The following BROX variants were observed in gnomAD, a reference collection of about 807,000 sequenced individuals.
BROX encodes BRO1 domain and CAAX motif containing.
In BROX, 53 loss-of-function variants were observed where a neutral mutation model predicts 61.0. The ratio of observed to expected loss-of-function variants is 0.87; its 90% CI spans 0.70 to 1.09. The LOEUF (loss-of-function observed/expected upper bound fraction) is 1.09, where lower values mean the gene tolerates loss of function less well. Ranked by LOEUF, BROX falls within the 50% of genes least tolerant of loss-of-function variation. The pLI is 0.00. For synonymous variants in BROX, 152 were observed against 160.2 expected (o/e 0.95, Z 0.38); for missense variants, 489 against 472.0 (o/e 1.04, Z -0.33).
At chr1:222,713,165 C>T in intron 1 of BROX, 1 of 980,840 alleles carries the variant, frequency 1.0e-6, no homozygotes, top group Non-Finnish European at 1.2e-6. Flanking sequence ...TCCCCTTGCC[C>T]CGCATCTCCA....
intron 2 of BROX, among the ~76,000 whole-genome samples, chr1:222,718,261 A>C (rs1656787833): frequency 6.6e-6 from 1 of 152,190 alleles, no homozygotes; most frequent in Non-Finnish European, 1.5e-5. Context: ...AATTTCAAGA[A>C]GGAAAAGGTG....
chr1:222,712,566 T>C lies in BROX; in HGVS notation c.-393T>C. On this transcript the variant is annotated 5_prime_UTR_variant, in exon 1 of 13. Coordinates refer to ENST00000340934, the MANE Select transcript of BROX (RefSeq NM_144695.4). ...CCGGGTTAGGTTGAGGCCGCCCCAC[T>C]GCGCCGAGGGCCGCCATCGCTATTG... is the stretch of plus-strand genomic sequence containing the variant. 7.3e-7 allele frequency: 1 copy of C among 1,376,294 alleles called. No individual in the cohort carries two copies. The highest frequency in any genetic ancestry group is 3.0e-5 in the East Asian group (1 of 33,452). 85.3% of individuals were successfully genotyped at this position (1,376,294 alleles called of 1,614,324 possible).
chr1:222,729,978 A>C (rs375638890), intron 10 of BROX, 49 bp from the exon 11 acceptor site: 6 of 1,545,394 alleles, frequency 3.9e-6, no homozygotes, highest in African/African-American at 1.4e-5. Flanking sequence ...AGGGATAAAT[A>C]GGCAGTGTTA....
intron 5 of BROX, among the ~76,000 whole-genome samples, chr1:222,723,465 C>T (rs918839284): frequency 6.6e-6 from 1 of 151,956 alleles, no homozygotes; most frequent in African/African-American, 2.4e-5. Flanking sequence ...TAGTTAGGGT[C>T]TCTTTTTTTT....
In BROX at chr1:222,733,857, A is replaced by C. The variant is rs966185878; in HGVS notation, c.*1143A>C. ...TGAAGTCAAATATTGCATGATGTAA[A>C]GAAAAAACTTTAAACTTAAATGAGT... On this transcript the variant is annotated 3_prime_UTR_variant, in exon 13 of 13. Transcript: ENST00000340934. The C allele has an allele frequency of 2.0e-5, 3 of 152,260 alleles. No individual in the cohort carries two copies. Among genetic ancestry groups the C allele is most frequent in the Admixed American group, 1.3e-4 (2 of 15,290 alleles). The allele number at this position is 152,260 out of a possible 1,614,324, so 9.4% of individuals were successfully genotyped here.
intron 7 of BROX, among the ~76,000 whole-genome samples, chr1:222,726,732 G>A (rs1275329226): frequency 2.0e-5 from 3 of 147,720 alleles, no homozygotes; most frequent in Non-Finnish European, 4.5e-5. Flanking sequence ...AAAAAAAAAA[G>A]AAATTAGCCA....
At position 222,722,401 on chromosome 1, in the gene BROX, T is replaced by A. The variant is rs769294715; in HGVS notation, c.306-18T>A. On this transcript the variant is annotated intron_variant, in intron 4 of 12. Transcript: ENST00000340934. ...CTGGATAATTGACAGAACTTAATGA[T>A]CATGTTTATAATTCCAGTGCCCAGC... The A allele has an allele frequency of 2.5e-6, 4 of 1,591,686 alleles. No homozygotes were observed. The highest frequency in any genetic ancestry group is 3.3e-5 in the Admixed American group (2 of 59,888).
At chr1:222,732,598 G>A (rs772076873) in intron 12 of BROX, 30 bp from the exon 13 acceptor site, 2 of 1,483,820 alleles carry the variant, frequency 1.3e-6, no homozygotes, top group Middle Eastern at 1.8e-4. Flanking sequence ...CTTAGTTTAT[G>A]TACTTAAACT....
Position 222,733,710 on chromosome 1 carries a change from C to T in BROX, c.*996C>T, listed in dbSNP as rs1248230101. 6.6e-6 allele frequency: 1 copy of T among 152,182 alleles called. No individual in the cohort carries two copies. Among genetic ancestry groups the T allele is most frequent in the Non-Finnish European group, 1.5e-5 (1 of 68,040 alleles). 9.4% of individuals were successfully genotyped at this position (152,182 alleles called of 1,614,324 possible). A position where few individuals can be genotyped will look rare whatever the true frequency, so the allele number is the denominator to read the frequency against. On this transcript the variant is annotated 3_prime_UTR_variant, in exon 13 of 13. Coordinates refer to ENST00000340934, the MANE Select transcript of BROX (RefSeq NM_144695.4). ...AGTACCCCTGTGCTTCATTCAGTAT[C>T]AGTAACCCTGCAATGATTTTTACAA...
chr1:222,721,417 T>C (rs1657093849), intron 4 of BROX, among the ~76,000 whole-genome samples: 1 of 151,904 alleles, frequency 6.6e-6, no homozygotes. Context: ...TATCTCCATT[T>C]ATCTTAAGAC....
intron 8 of BROX, among the ~76,000 whole-genome samples, chr1:222,728,093 A>G (rs922307306): frequency 8.5e-5 from 13 of 152,206 alleles, no homozygotes; most frequent in African/African-American, 3.1e-4. Context: ...ATGTATCTAC[A>G]TTAAAAGCCT....
At chr1:222,714,769 C>G (rs1314942458) in intron 1 of BROX, among the ~76,000 whole-genome samples, 1 of 151,290 alleles carries the variant, frequency 6.6e-6, no homozygotes, top group Admixed American at 6.6e-5. Flanking sequence ...TTGTAGAGAC[C>G]GGGTCTCACC....
At chr1:222,722,309 A>G (rs1016080600) in intron 4 of BROX, 110 bp from the exon 5 acceptor site, 3 of 836,848 alleles carry the variant, frequency 3.6e-6, no homozygotes, top group East Asian at 2.6e-5. Flanking sequence ...TTCCTCATAC[A>G]TACCAGTTAG....
At chr1:222,719,152 A>G (rs1656870068) in intron 3 of BROX, 111 bp from the exon 4 acceptor site, 12 of 1,261,336 alleles carry the variant, frequency 9.5e-6, no homozygotes, top group Non-Finnish European at 1.4e-5. Context: ...GGAAAAGAGC[A>G]AGAAGTTTCA....
At chr1:222,713,247 G>A (rs1358903901) in intron 1 of BROX, 1 of 986,262 alleles carries the variant, frequency 1.0e-6, no homozygotes, top group Non-Finnish European at 1.2e-6. Context: ...ACCTCTCCCG[G>A]GTTGACAGTA....
intron 4 of BROX, among the ~76,000 whole-genome samples, chr1:222,721,141 CTG>C (rs1258788673): frequency 1.3e-5 from 2 of 152,094 alleles, no homozygotes; most frequent in Non-Finnish European, 2.9e-5. Context: ...ATTAGCCAAA[CTG>C]TTATATTATT....
At chr1:222,728,218 G>C (rs1404407020) in intron 8 of BROX, among the ~76,000 whole-genome samples, 1 of 152,134 alleles carries the variant, frequency 6.6e-6, no homozygotes, top group Non-Finnish European at 1.5e-5. Flanking sequence ...AATTCTTAAA[G>C]TTTATGAAGG....
Position 222,712,876 on chromosome 1 carries a change from C to A in BROX, c.-83C>A. 1 of 1,265,270 alleles carries A rather than the reference C, an allele frequency of 7.9e-7. No homozygotes were observed. The highest frequency in any genetic ancestry group is 1.5e-5 in the African/African-American group (1 of 65,038). The allele number at this position is 1,265,270 out of a possible 1,614,324, so 78.4% of individuals were successfully genotyped here. ...GTTCTCCGACTCCCTCTTTTTCTCG[C>A]TTGTGGACTCCGATATATTGCCCTT... On this transcript the variant is annotated 5_prime_UTR_variant, in exon 1 of 13. Coordinates refer to ENST00000340934, the MANE Select transcript of BROX (RefSeq NM_144695.4).
Position 222,730,109 on chromosome 1 carries a change from G to A in BROX, c.921G>A (p.Leu307=), listed in dbSNP as rs772555916. Residue 307 remains leucine, a synonymous_variant, in exon 11 of 13, where the codon CTG becomes CTA. Transcript: ENST00000340934. ...CAACAGTCAAACCTTCAGGACATCT[G>A]TTCTTTAGGAAACTTGGAAACCTTG... ...PGPTVKPSGH[L]FFRKLGNLVK... The A allele has an allele frequency of 6.2e-7, 1 of 1,613,184 alleles. No individual in the cohort carries two copies. The highest frequency in any genetic ancestry group is 8.5e-7 in the Non-Finnish European group (1 of 1,179,464).
Sources: allele counts gnomAD v4.1 joint callset (sites outside exome capture counted in the v4.1 genomes callset), GRCh38; gene constraint gnomAD v4.1.1; transcripts MANE v1.5; gene names NCBI Gene and HGNC (gene_info 2026-07-23, HGNC 2026-07-21).